The following PTPRZ1 variants were observed in gnomAD, a reference collection of about 807,000 sequenced individuals.
PTPRZ1 encodes the protein protein tyrosine phosphatase receptor type Z1.
A neutral mutation model predicts 214.1 loss-of-function variants in PTPRZ1; 82 were observed. The ratio of observed to expected loss-of-function variants is 0.38; its 90% CI spans 0.32 to 0.46. The LOEUF (loss-of-function observed/expected upper bound fraction) is 0.46, where lower values mean the gene tolerates loss of function less well. PTPRZ1 is among the 20% of genes least tolerant of loss of function. The pLI is 1.00. For synonymous variants in PTPRZ1, 945 were observed against 987.9 expected, an observed-to-expected ratio of 0.96 and a Z score of 0.81; for missense variants, 2,603 against 2,748.7, an observed-to-expected ratio of 0.95 and a Z score of 1.19.
intron 2 of PTPRZ1, among the ~76,000 whole-genome samples, chr7:121,950,352 C>A (rs1044317801): frequency 6.6e-6 from 1 of 152,132 alleles, no homozygotes; most frequent in African/African-American, 2.4e-5. Context: ...TGTGGTTTTT[C>A]CCAATCCTGA....
In PTPRZ1 at chr7:121,880,918, A is replaced by T. The variant is rs543906957; in HGVS notation, c.58+7361A>T. ...GAGGAGCATGTGGGATATTATTGTC[A>T]TGTGTGTTTTAGTGCACAAAAACGC... On this transcript the variant is annotated intron_variant, in intron 1 of 29. Transcript: ENST00000393386. 1.1e-4 allele frequency among the ~76,000 whole-genome samples: 17 copies of T among 152,282 alleles called. No homozygotes were observed. In the South Asian group the frequency reaches 3.5e-3, roughly 32 times the overall value.
Position 122,061,100 on chromosome 7 carries a change from C to CA in PTPRZ1, c.6831dup (p.Val2278SerfsTer21). 6.2e-7 allele frequency: 1 copy of CA among 1,608,876 alleles called. No homozygotes were observed. The highest frequency in any genetic ancestry group is 1.3e-5 in the African/African-American group (1 of 74,840). ...TCTAGGAGCAGTATCAGTTTCTCTACAAAGTGATCCTCAGCCTTGTGAGCA... is the reference window on the plus strand; with the variant it reads ...TCTAGGAGCAGTATCAGTTTCTCTACAAAAGTGATCCTCAGCCTTGTGAGCA... On this transcript the variant is annotated frameshift_variant, in exon 30 of 30. Coordinates refer to ENST00000393386, the MANE Select transcript of PTPRZ1 (RefSeq NM_002851.3). LOFTEE classifies it high-confidence loss of function.
At chr7:122,032,912 G>A (rs1370940404) in intron 15 of PTPRZ1, among the ~76,000 whole-genome samples, 3 of 151,908 alleles carry the variant, frequency 2.0e-5, no homozygotes, top group African/African-American at 4.8e-5. Context: ...TAGAGGTTAC[G>A]CATGCTATAG....
intron 1 of PTPRZ1, among the ~76,000 whole-genome samples, chr7:121,895,672 G>A (rs1039715629): frequency 1.3e-5 from 2 of 152,252 alleles, no homozygotes; most frequent in African/African-American, 4.8e-5. Context: ...GATCATATGA[G>A]AGTCTTCAAG....
chr7:121,943,010 C>T (rs1362577514), intron 2 of PTPRZ1, among the ~76,000 whole-genome samples: 1 of 152,126 alleles, frequency 6.6e-6, no homozygotes, highest in Non-Finnish European at 1.5e-5. Flanking sequence ...TTGTATGTTA[C>T]AGGTTCATAC....
chr7:121,936,127 T>A (rs1438248813), intron 2 of PTPRZ1, among the ~76,000 whole-genome samples: 5 of 152,196 alleles, frequency 3.3e-5, no homozygotes, highest in African/African-American at 1.2e-4. Context: ...TAGTTTCAAT[T>A]TCCTTTGTTT....
chr7:121,921,072 T>C (rs1795583924), intron 1 of PTPRZ1, among the ~76,000 whole-genome samples: 1 of 152,136 alleles, frequency 6.6e-6, no homozygotes, highest in Admixed American at 6.6e-5. Context: ...TTTGCCTACC[T>C]GTATTTTTTC....
intron 1 of PTPRZ1, among the ~76,000 whole-genome samples, chr7:121,884,494 C>A (rs1329757073): frequency 6.6e-6 from 1 of 152,068 alleles, no homozygotes; most frequent in Non-Finnish European, 1.5e-5. Context: ...TTAATTGTAG[C>A]ATATATTCTG....
intron 1 of PTPRZ1, among the ~76,000 whole-genome samples, chr7:121,895,756 T>C (rs1794767525): frequency 6.6e-6 from 1 of 152,190 alleles, no homozygotes; most frequent in African/African-American, 2.4e-5. Flanking sequence ...CTAAACCGGT[T>C]AGGAAAATAA....
intron 1 of PTPRZ1, among the ~76,000 whole-genome samples, chr7:121,879,111 A>G (rs1356968147): frequency 3.3e-5 from 5 of 152,212 alleles, no homozygotes; most frequent in African/African-American, 1.2e-4. Context: ...GAATGTGATT[A>G]ATGCCTGTAC....
intron 2 of PTPRZ1, among the ~76,000 whole-genome samples, chr7:121,930,114 C>T (rs1396857079): frequency 2.0e-5 from 3 of 151,898 alleles, no homozygotes; most frequent in Admixed American, 1.3e-4. Flanking sequence ...AAATTAGAAC[C>T]TGGAAAACAA....
At chr7:122,017,711 A>C (rs939194559) in intron 12 of PTPRZ1, among the ~76,000 whole-genome samples, 1 of 151,738 alleles carries the variant, frequency 6.6e-6, no homozygotes, top group Non-Finnish European at 1.5e-5. Context: ...ACAAGTGTGC[A>C]CCACCACGCC....
chr7:121,983,629 G>A (rs1267183120), intron 6 of PTPRZ1, 36 bp from the exon 7 acceptor site: 2 of 1,563,064 alleles, frequency 1.3e-6, no homozygotes, highest in East Asian at 2.3e-5. Flanking sequence ...TTCCAGTGTT[G>A]AGATTCCAGC....
At position 121,879,959 on chromosome 7, in the gene PTPRZ1, G is replaced by A. The variant is rs1315758987; in HGVS notation, c.58+6402G>A. On this transcript the variant is annotated intron_variant, in intron 1 of 29. Coordinates refer to ENST00000393386, the MANE Select transcript of PTPRZ1 (RefSeq NM_002851.3). The stretch of plus-strand genomic sequence containing the variant: ...GTTTAAGATAATTAAATAAACTTAA[G>A]TTTGCTCAGCACCTTGATGAAAAGT... 2.0e-5 allele frequency among the ~76,000 whole-genome samples: 3 copies of A among 151,762 alleles called. 1 individual carries two copies. Among genetic ancestry groups the A allele is most frequent in the South Asian group, 4.2e-4 (2 of 4,810 alleles).
At chr7:121,985,658 T>C (rs946330163) in intron 8 of PTPRZ1, among the ~76,000 whole-genome samples, 2 of 152,166 alleles carry the variant, frequency 1.3e-5, no homozygotes, top group Non-Finnish European at 2.9e-5. Context: ...AAGTTGAGCA[T>C]TGCATCCACT....
intron 2 of PTPRZ1, among the ~76,000 whole-genome samples, chr7:121,931,006 G>A (rs1043046177): frequency 2.0e-5 from 3 of 152,146 alleles, no homozygotes; most frequent in Non-Finnish European, 2.9e-5. Context: ...AATATTTAAT[G>A]CAGGACATCT....
chr7:121,921,521 C>T (rs1449648702), intron 1 of PTPRZ1, among the ~76,000 whole-genome samples: 1 of 152,050 alleles, frequency 6.6e-6, no homozygotes, highest in Non-Finnish European at 1.5e-5. Flanking sequence ...TTATATAGTG[C>T]CTCAGGCATC....
chr7:122,058,423 A>G (rs934748605), intron 27 of PTPRZ1, among the ~76,000 whole-genome samples: 1 of 152,070 alleles, frequency 6.6e-6, no homozygotes, highest in African/African-American at 2.4e-5. Flanking sequence ...TAAGTGAAGA[A>G]AGTGTATGCT....
At chr7:121,905,733 A>G (rs895524995) in intron 1 of PTPRZ1, among the ~76,000 whole-genome samples, 21 of 151,994 alleles carry the variant, frequency 1.4e-4, no homozygotes, top group Non-Finnish European at 2.8e-4. Context: ...TGTGATATAA[A>G]TTCAAATTTA....
Sources: gnomAD v4.1 joint callset for allele counts (sites outside exome capture counted in the v4.1 genomes callset) on GRCh38, gnomAD v4.1.1 for gene constraint, MANE v1.5 for transcripts, NCBI Gene and HGNC (gene_info 2026-07-23, HGNC 2026-07-21) for gene names.